Variants in LRRTM4 observed in about 807,000 individuals in gnomAD.
LRRTM4 encodes the protein leucine-rich repeat transmembrane neuronal protein 4.
Under a neutral mutation model 47.6 loss-of-function variants are expected in LRRTM4, and 25 were observed. The observed-to-expected ratio is 0.53, with a 90% CI of 0.38 to 0.73. The LOEUF (loss-of-function observed/expected upper bound fraction) is 0.73, where lower values mean the gene tolerates loss of function less well. Among genes scored for constraint, LRRTM4 ranks in the 30% least tolerant of loss-of-function variants. LRRTM4 has a pLI of 0.00. For missense variants in LRRTM4, 638 were observed against 713.4 expected, an observed-to-expected ratio of 0.89 and a Z score of 1.20; for synonymous variants, 311 against 269.5, an observed-to-expected ratio of 1.15 and a Z score of -1.51.
intron 3 of LRRTM4, among the ~76,000 whole-genome samples, chr2:77,141,389 C>T (rs1179594115): frequency 6.1e-5 from 9 of 148,582 alleles, no homozygotes; most frequent in East Asian, 2.0e-4. Flanking sequence ...CCAAACACTG[C>T]GTGTTCTCAC....
chr2:76,879,858 A>T (rs1013727817), intron 3 of LRRTM4, among the ~76,000 whole-genome samples: 1 of 152,226 alleles, frequency 6.6e-6, no homozygotes, highest in Non-Finnish European at 1.5e-5. Context: ...GTTGATTTCA[A>T]TCCTAATGGG....
At chr2:76,895,728 A>G (rs1211875104) in intron 3 of LRRTM4, among the ~76,000 whole-genome samples, 1 of 152,078 alleles carries the variant, frequency 6.6e-6, no homozygotes, top group Non-Finnish European at 1.5e-5. Context: ...AGTGATAAAC[A>G]TACTGTGAAA....
At chr2:77,471,043 TC>T in intron 3 of LRRTM4, among the ~76,000 whole-genome samples, 1 of 152,252 alleles carries the variant, frequency 6.6e-6, no homozygotes, top group South Asian at 2.1e-4. Context: ...TGTCTATGTA[TC>T]TATCTATCTA....
rs957864380 is a variant in LRRTM4 at position 76,747,909 on chromosome 2, C to T, written c.*786G>A. 8 of 152,144 alleles carry T rather than the reference C, an allele frequency of 5.3e-5. No individual in the cohort carries two copies. The highest frequency in any genetic ancestry group is 1.9e-4 in the African/African-American group (8 of 41,426). The allele number at this position is 152,144 out of a possible 1,614,324, so 9.4% of individuals were successfully genotyped here. The stretch of plus-strand genomic sequence containing the variant: ...TCCACATGAGAATGATTCTGCTGGT[C>T]TTCTCATTCGGAGATCTTCATGGCT... On this transcript the variant is annotated 3_prime_UTR_variant, in exon 4 of 4. Coordinates refer to ENST00000409884, the MANE Select transcript of LRRTM4 (RefSeq NM_001134745.3).
intron 3 of LRRTM4, among the ~76,000 whole-genome samples, chr2:76,861,872 G>A (rs1672323004): frequency 1.3e-5 from 2 of 152,088 alleles, no homozygotes; most frequent in Non-Finnish European, 1.5e-5. Flanking sequence ...AGTAACACAG[G>A]CATATATGGA....
intron 3 of LRRTM4, among the ~76,000 whole-genome samples, chr2:77,143,309 T>C (rs72911863): frequency 0.058 from 8,795 of 152,230 alleles, 819 homozygotes; most frequent in African/African-American, 0.19. Flanking sequence ...TTTGGGGCAG[T>C]TATTATTTGA....
intron 3 of LRRTM4, among the ~76,000 whole-genome samples, chr2:77,108,531 T>C (rs190227223): frequency 6.6e-6 from 1 of 151,966 alleles, no homozygotes; most frequent in African/African-American, 2.4e-5. Flanking sequence ...ATTATTGTGT[T>C]CTATTTTAAG....
intron 3 of LRRTM4, among the ~76,000 whole-genome samples, chr2:76,968,338 G>GTATA (rs1444483668): frequency 1.1e-5 from 1 of 89,850 alleles, no homozygotes; most frequent in Admixed American, 1.3e-4. Context: ...GTGTGTATGT[G>GTATA]TGTATATATA....
intron 3 of LRRTM4, among the ~76,000 whole-genome samples, chr2:77,384,187 T>G (rs1310377867): frequency 3.3e-5 from 5 of 151,908 alleles, no homozygotes; most frequent in Admixed American, 6.6e-5. Flanking sequence ...CATTGTGATT[T>G]CCCTCAAAAA....
At chr2:77,050,438 T>C (rs1679392401) in intron 3 of LRRTM4, among the ~76,000 whole-genome samples, 1 of 152,206 alleles carries the variant, frequency 6.6e-6, no homozygotes, top group Non-Finnish European at 1.5e-5. Flanking sequence ...GTAAATAGCA[T>C]ATCGGTTTAC....
chr2:77,437,939 C>CGA (rs1675668047), intron 3 of LRRTM4, among the ~76,000 whole-genome samples: 1 of 152,024 alleles, frequency 6.6e-6, no homozygotes, highest in African/African-American at 2.4e-5. Flanking sequence ...CTTTCTATAC[C>CGA]TATCTATCAC....
chr2:76,956,009 A>G (rs1196675340), intron 3 of LRRTM4, among the ~76,000 whole-genome samples: 1 of 133,534 alleles, frequency 7.5e-6, no homozygotes, highest in Non-Finnish European at 1.5e-5. Flanking sequence ...ACTCCCACTT[A>G]AAAAAAAAAG....
intron 3 of LRRTM4, among the ~76,000 whole-genome samples, chr2:77,508,556 T>A (rs1678863228): frequency 6.6e-6 from 1 of 151,932 alleles, no homozygotes; most frequent in South Asian, 2.1e-4. Flanking sequence ...TATTATTTTG[T>A]CTTTTTTGTC....
At chr2:77,422,258 A>C (rs1251848547) in intron 3 of LRRTM4, among the ~76,000 whole-genome samples, 1 of 152,234 alleles carries the variant, frequency 6.6e-6, no homozygotes, top group African/African-American at 2.4e-5. Flanking sequence ...TATTTAAAGT[A>C]AAATACCATT....
At chr2:76,899,601 G>T (rs928862233) in intron 3 of LRRTM4, among the ~76,000 whole-genome samples, 1 of 152,044 alleles carries the variant, frequency 6.6e-6, no homozygotes. Flanking sequence ...CACGTGGAAG[G>T]AGTAAGGAAG....
chr2:77,073,457 C>T (rs1482317379), intron 3 of LRRTM4, among the ~76,000 whole-genome samples: 1 of 151,960 alleles, frequency 6.6e-6, no homozygotes, highest in African/African-American at 2.4e-5. Flanking sequence ...CCAGTACAGA[C>T]ATTTTCCTTT....
rs377236881 is a variant in LRRTM4, at chr2:77,461,630, T to C, written c.1551+56688A>G. Among the ~76,000 whole-genome samples the C allele has an allele frequency of 3.3e-5, 5 of 152,270 alleles. No individual in the cohort carries two copies. In the South Asian group the frequency reaches 8.3e-4, roughly 25 times the overall value. On this transcript the variant is annotated intron_variant, in intron 3 of 3. Coordinates refer to ENST00000409884, the MANE Select transcript of LRRTM4 (RefSeq NM_001134745.3). ...TTCAAAGTAACAAATATCAAGCTTTTTTTTCAGAAAGAAGCAATTACACGC... is the reference window on the plus strand; with the variant it reads ...TTCAAAGTAACAAATATCAAGCTTTCTTTTCAGAAAGAAGCAATTACACGC...
intron 3 of LRRTM4, among the ~76,000 whole-genome samples, chr2:77,291,930 T>G (rs1676834682): frequency 6.6e-6 from 1 of 151,682 alleles, no homozygotes; most frequent in Non-Finnish European, 1.5e-5. Context: ...GGGAGAAAAT[T>G]TTCGCAATCT....
At chr2:77,311,878 T>C (rs1677466081) in intron 3 of LRRTM4, among the ~76,000 whole-genome samples, 1 of 152,182 alleles carries the variant, frequency 6.6e-6, no homozygotes, top group Non-Finnish European at 1.5e-5. Flanking sequence ...GGAGTAAATT[T>C]GGTTTTACTT....
Sources: allele counts gnomAD v4.1 joint callset (sites outside exome capture counted in the v4.1 genomes callset), GRCh38; gene constraint gnomAD v4.1.1; transcripts MANE v1.5; gene names NCBI Gene and HGNC (gene_info 2026-07-23, HGNC 2026-07-21).